The following EML6 variants were observed in gnomAD, a reference collection of about 807,000 sequenced individuals.
The protein encoded by EML6 is echinoderm microtubule-associated protein-like 6.
Under a neutral mutation model 240.1 loss-of-function variants are expected in EML6, and 154 were observed. The ratio of observed to expected loss-of-function variants is 0.64; its 90% CI spans 0.56 to 0.73. The LOEUF (loss-of-function observed/expected upper bound fraction) is 0.73, where lower values mean the gene tolerates loss of function less well. EML6 is among the 30% of genes least tolerant of loss of function. The pLI is 0.00. For synonymous variants in EML6, 1,148 were observed against 899.0 expected, an observed-to-expected ratio of 1.28 and a Z score of -4.95; for missense variants, 2,964 against 2,474.6, an observed-to-expected ratio of 1.20 and a Z score of -4.20.
intron 38 of EML6, among the ~76,000 whole-genome samples, chr2:54,965,561 AGTT>A (rs893624242): frequency 6.6e-6 from 1 of 152,128 alleles, no homozygotes; most frequent in Non-Finnish European, 1.5e-5. Flanking sequence ...CCGGAAGCAG[AGTT>A]GTTAAGGATA....
chr2:54,818,566 G>C (rs1668183505), intron 4 of EML6, among the ~76,000 whole-genome samples: 1 of 152,168 alleles, frequency 6.6e-6, no homozygotes, highest in Admixed American at 6.5e-5. Context: ...ACCTCTTCTG[G>C]TTCTGAGGGC....
chr2:54,935,867 C>G (rs966458863), intron 28 of EML6, among the ~76,000 whole-genome samples: 2 of 152,044 alleles, frequency 1.3e-5, no homozygotes, highest in Non-Finnish European at 2.9e-5. Flanking sequence ...TCTCTACAAA[C>G]AAAATTTAAA....
chr2:54,863,834 T>C lies in EML6; in HGVS notation c.1877T>C (p.Val626Ala). The change falls in exon 13 of 42, where the codon GTG becomes GCG. Residue 626 changes from valine to alanine, a missense_variant. Coordinates refer to ENST00000356458, the MANE Select transcript of EML6 (RefSeq NM_001039753.4). The stretch of plus-strand genomic sequence containing the variant: ...GAATCTGATTCAGATTTATCTGATG[T>C]GCCCGAACTGGACTCTGATATTGAG... ...SEESDSDLSD[V>A]PELDSDIEQE... The C allele has an allele frequency of 6.5e-7, 1 of 1,549,852 alleles. No homozygotes were observed. The highest frequency in any genetic ancestry group is 8.7e-7 in the Non-Finnish European group (1 of 1,146,138).
chr2:54,960,753 C>A (rs1389586782), intron 35 of EML6, among the ~76,000 whole-genome samples: 1 of 152,132 alleles, frequency 6.6e-6, no homozygotes, highest in Non-Finnish European at 1.5e-5. Flanking sequence ...TAAGGGCCAC[C>A]AAACTGTCTG....
chr2:54,902,256 A>G (rs1673096732), intron 22 of EML6, among the ~76,000 whole-genome samples: 1 of 152,182 alleles, frequency 6.6e-6, no homozygotes, highest in Non-Finnish European at 1.5e-5. Flanking sequence ...TATTAACCCT[A>G]TACTCCTTTT....
At chr2:54,937,371 G>C (rs1333949466) in intron 28 of EML6, among the ~76,000 whole-genome samples, 1 of 151,646 alleles carries the variant, frequency 6.6e-6, no homozygotes, top group African/African-American at 2.4e-5. Context: ...GATGGCTTGA[G>C]AGCAGCCTGG....
At chr2:54,769,950 C>T (rs1226889765) in intron 2 of EML6, among the ~76,000 whole-genome samples, 1 of 152,046 alleles carries the variant, frequency 6.6e-6, no homozygotes, top group South Asian at 2.1e-4. Context: ...CTTTGTAGGC[C>T]TTTTTCTAAG....
At chr2:54,905,350 A>G (rs994392046) in intron 24 of EML6, among the ~76,000 whole-genome samples, 2 of 150,142 alleles carry the variant, frequency 1.3e-5, no homozygotes, top group African/African-American at 2.4e-5. Context: ...ACACACACAC[A>G]CACACACACA....
intron 16 of EML6, among the ~76,000 whole-genome samples, chr2:54,874,003 A>T (rs998635284): frequency 6.6e-6 from 1 of 152,218 alleles, no homozygotes; most frequent in African/African-American, 2.4e-5. Context: ...CATATAAATA[A>T]AGTGGCAAGA....
At chr2:54,888,618 A>C (rs1427862364) in intron 17 of EML6, among the ~76,000 whole-genome samples, 1 of 152,140 alleles carries the variant, frequency 6.6e-6, no homozygotes, top group Non-Finnish European at 1.5e-5. Flanking sequence ...ACTATATAGT[A>C]TGTAGTCTTT....
chr2:54,754,301 C>T (rs1287667283), intron 2 of EML6, among the ~76,000 whole-genome samples: 1 of 152,066 alleles, frequency 6.6e-6, no homozygotes, highest in Non-Finnish European at 1.5e-5. Context: ...ACTAGTCAGC[C>T]TTGAAAATCT....
At chr2:54,940,394 A>G (rs886945009) in intron 28 of EML6, among the ~76,000 whole-genome samples, 2 of 152,156 alleles carry the variant, frequency 1.3e-5, no homozygotes, top group Non-Finnish European at 2.9e-5. Context: ...TTTGGTTTCA[A>G]CTCTAAATTA....
At chr2:54,952,305 C>G (rs1676022196) in intron 30 of EML6, among the ~76,000 whole-genome samples, 1 of 152,162 alleles carries the variant, frequency 6.6e-6, no homozygotes, top group Admixed American at 6.5e-5. Context: ...AACCCCTGTA[C>G]TTGAACTGTG....
chr2:54,814,035 C>G (rs948770451), intron 3 of EML6, among the ~76,000 whole-genome samples: 3 of 152,212 alleles, frequency 2.0e-5, no homozygotes, highest in African/African-American at 7.2e-5. Flanking sequence ...CAATTTCTTG[C>G]TAATGCATTT....
intron 37 of EML6, 67 bp from the exon 38 acceptor site, chr2:54,964,504 G>C: frequency 9.6e-6 from 14 of 1,465,096 alleles, no homozygotes; most frequent in Non-Finnish European, 1.3e-5. Flanking sequence ...TCACAGACCA[G>C]CCTTCGTGCC....
chr2:54,751,392 A>G (rs1266781996), intron 2 of EML6, among the ~76,000 whole-genome samples: 1 of 152,192 alleles, frequency 6.6e-6, no homozygotes, highest in Non-Finnish European at 1.5e-5. Context: ...TTCTGAACAG[A>G]AGATTCCCTT....
chr2:54,729,089 C>T (rs764057269), intron 2 of EML6, among the ~76,000 whole-genome samples: 13 of 152,216 alleles, frequency 8.5e-5, no homozygotes, highest in Non-Finnish European at 1.8e-4. Context: ...TTAACTATCT[C>T]ATCAGTGAAA....
At chr2:54,950,872 C>T in intron 30 of EML6, 93 bp downstream of exon 30, 4 of 1,352,376 alleles carry the variant, frequency 3.0e-6, no homozygotes, top group Non-Finnish European at 4.0e-6. Context: ...AAGCATTTTC[C>T]TTCCCTTATA....
rs1216367095 is a variant in EML6 at position 54,850,153 on chromosome 2, C to T, written c.1379C>T (p.Ser460Phe). 1 of 1,551,360 alleles carries T rather than the reference C, an allele frequency of 6.4e-7. No homozygotes were observed. Among genetic ancestry groups the T allele is most frequent in the Non-Finnish European group, 8.7e-7 (1 of 1,146,762 alleles). ...AGTTTCATCACGCATATTGACTGGT[C>T]CTTGGATAGTAAATACTTACAAACT... ...SLSFITHIDWSLDSKYLQTND... is the reference protein window; with the variant it reads ...SLSFITHIDWFLDSKYLQTND... Residue 460 changes from serine (S) to phenylalanine (F), a missense_variant, in exon 10 of 42, where the codon TCC becomes TTC. Transcript: ENST00000356458.
Sources: gnomAD v4.1 joint callset for allele counts (sites outside exome capture counted in the v4.1 genomes callset) on GRCh38, gnomAD v4.1.1 for gene constraint, MANE v1.5 for transcripts, NCBI Gene and HGNC (gene_info 2026-07-23, HGNC 2026-07-21) for gene names.